The following RPS6KA5 variants were observed in gnomAD, a reference collection of about 807,000 sequenced individuals.
RPS6KA5 encodes ribosomal protein S6 kinase A5.
RPS6KA5 carries 27 observed loss-of-function variants against 85.5 expected under a neutral mutation model. The observed-to-expected ratio is 0.32, with a 90% CI of 0.23 to 0.44. The LOEUF is 0.44. RPS6KA5 is among the 20% of genes least tolerant of loss of function. The probability of loss-of-function intolerance (pLI) is 1.00; values close to 1 mark genes in which losing one functional copy is unlikely to be tolerated. For missense variants in RPS6KA5, 811 were observed against 980.9 expected, an observed-to-expected ratio of 0.83 and a Z score of 2.31; for synonymous variants, 334 against 348.2, an observed-to-expected ratio of 0.96 and a Z score of 0.46.
At chr14:90,886,095 T>C (rs2034208597) in intron 14 of RPS6KA5, among the ~76,000 whole-genome samples, 1 of 152,028 alleles carries the variant, frequency 6.6e-6, no homozygotes, top group Non-Finnish European at 1.5e-5. Context: ...TATGTATGTC[T>C]GCATATATGT....
At chr14:90,997,640 A>C (rs1005044741) in intron 2 of RPS6KA5, among the ~76,000 whole-genome samples, 1 of 152,158 alleles carries the variant, frequency 6.6e-6, no homozygotes, top group African/African-American at 2.4e-5. Context: ...GATGGAAACA[A>C]CCCAAATGCC....
intron 1 of RPS6KA5, among the ~76,000 whole-genome samples, chr14:91,044,392 G>GGAAAGAAAGAAA (rs71461930): frequency 1.1e-3 from 61 of 55,174 alleles, no homozygotes; most frequent in Middle Eastern, 8.9e-3. Context: ...AAAGAAAGAA[G>GGAAAGAAAGAAA]GAAAGAAAGA....
intron 1 of RPS6KA5, among the ~76,000 whole-genome samples, chr14:91,011,531 A>G (rs917567871): frequency 5.3e-5 from 8 of 152,146 alleles, no homozygotes; most frequent in Admixed American, 2.0e-4. Context: ...AAATTGGGCA[A>G]TGTGTTTCTA....
chr14:90,958,782 A>T (rs748366512), intron 3 of RPS6KA5, among the ~76,000 whole-genome samples: 4 of 152,110 alleles, frequency 2.6e-5, no homozygotes, highest in Admixed American at 6.6e-5. Flanking sequence ...TGAAGCTTGC[A>T]TTCCATTCAG....
chr14:90,993,267 C>A (rs992205386), intron 2 of RPS6KA5, among the ~76,000 whole-genome samples: 2 of 152,122 alleles, frequency 1.3e-5, no homozygotes, highest in African/African-American at 4.8e-5. Flanking sequence ...TGGTGAAACC[C>A]CATCTCTACT....
At chr14:91,031,407 C>T (rs1421402961) in intron 1 of RPS6KA5, among the ~76,000 whole-genome samples, 1 of 152,090 alleles carries the variant, frequency 6.6e-6, no homozygotes, top group Non-Finnish European at 1.5e-5. Context: ...AAGAGGACAG[C>T]CATTGGATCC....
intron 3 of RPS6KA5, among the ~76,000 whole-genome samples, chr14:90,963,127 C>T (rs1032093198): frequency 2.6e-5 from 4 of 152,154 alleles, no homozygotes; most frequent in African/African-American, 9.7e-5. Context: ...CATGGTCTTT[C>T]TTTCTTGGTA....
chr14:90,897,602 G>A (rs1247180420), intron 12 of RPS6KA5, among the ~76,000 whole-genome samples: 1 of 152,146 alleles, frequency 6.6e-6, no homozygotes, highest in Non-Finnish European at 1.5e-5. Flanking sequence ...GATTGATAAT[G>A]TATTTATACT....
chr14:90,929,570 G>T (rs1186997236), intron 5 of RPS6KA5, among the ~76,000 whole-genome samples: 1 of 151,956 alleles, frequency 6.6e-6, no homozygotes. Flanking sequence ...AAATATTACA[G>T]ATAATAGTAC....
chr14:90,900,377 T>C, intron 10 of RPS6KA5, 136 bp from the exon 11 acceptor site: 3 of 667,644 alleles, frequency 4.5e-6, no homozygotes, highest in Non-Finnish European at 6.7e-6. Context: ...AAATTCATCT[T>C]TATAGGTAAC....
chr14:91,049,341 G>A (rs1227127719), intron 1 of RPS6KA5, among the ~76,000 whole-genome samples: 5 of 152,196 alleles, frequency 3.3e-5, no homozygotes, highest in African/African-American at 9.7e-5. Context: ...TCGGCCGGGC[G>A]CGGTGGCTCA....
intron 9 of RPS6KA5, among the ~76,000 whole-genome samples, chr14:90,901,917 C>G (rs1038581885): frequency 1.1e-4 from 17 of 152,336 alleles, no homozygotes; most frequent in Admixed American, 3.9e-4. Context: ...CACGGTGGCT[C>G]ATGCCTAGAA....
Position 90,900,636 on chromosome 14 carries a change from TTTG to T in RPS6KA5, c.1217_1219del (p.Thr406del), listed in dbSNP as rs1566714100. 6.2e-7 allele frequency: 1 copy of T among 1,613,842 alleles called. No individual in the cohort carries two copies. The highest frequency in any genetic ancestry group is 2.2e-5 in the East Asian group (1 of 44,800). ...CTTCATCATTGCACTCCTGGCAACA[TTTG>T]TCACTCCAGGACGTTCAACTCCCAT... On this transcript the variant is annotated inframe_deletion, in exon 10 of 17. Coordinates refer to ENST00000614987, the MANE Select transcript of RPS6KA5 (RefSeq NM_004755.4).
intron 9 of RPS6KA5, among the ~76,000 whole-genome samples, chr14:90,901,580 G>A (rs554307571): frequency 6.6e-6 from 1 of 152,148 alleles, no homozygotes; most frequent in Non-Finnish European, 1.5e-5. Context: ...TGATTAATCC[G>A]TTCAAGCTAG....
intron 1 of RPS6KA5, among the ~76,000 whole-genome samples, chr14:91,009,722 C>T (rs2041177608): frequency 6.6e-6 from 1 of 152,150 alleles, no homozygotes; most frequent in Admixed American, 6.6e-5. Context: ...CCCAAAAGAG[C>T]TTTCATGTAG....
chr14:90,890,537 G>C lies in RPS6KA5; in HGVS notation c.1786C>G (p.Gln596Glu), dbSNP rs1240440502. 6.2e-7 allele frequency: 1 copy of C among 1,614,036 alleles called. No homozygotes were observed. Among genetic ancestry groups the C allele is most frequent in the East Asian group, 2.2e-5 (1 of 44,894 alleles). Residue 596 changes from glutamine to glutamate, a missense_variant, in exon 14 of 17, where the codon CAG becomes GAG. Transcript: ENST00000614987. ...TCACAGGACTCATCGTAGCCGTTCT[G>C]ATTCAAGAGCTCTGGGGCGGCATAA... ...LHYAAPELLN[Q>E]NGYDESCDLW... is the part of the protein sequence containing the mutation.
At position 90,854,325 on chromosome 14, in the gene RPS6KA5, C is replaced by T. The variant is rs921278183; in HGVS notation, c.*17749G>A. On this transcript the variant is annotated 3_prime_UTR_variant, in exon 17 of 17. Transcript: ENST00000614987. ...TACTGTAGCCATTATAATCTGCTAA[C>T]GTTTGAAAAACTTAACATGAAATCA... 3.9e-5 allele frequency: 6 copies of T among 152,104 alleles called. No individual in the cohort carries two copies. The East Asian group carries it at 5.8e-4, about 15-fold the overall frequency. 9.4% of individuals were successfully genotyped at this position (152,104 alleles called of 1,614,324 possible).
At chr14:90,947,341 G>T in intron 4 of RPS6KA5, 94 bp downstream of exon 4, 2 of 706,144 alleles carry the variant, frequency 2.8e-6, no homozygotes, top group South Asian at 1.8e-5. Context: ...TCTCCACTAA[G>T]ACAATAACAT....
At chr14:91,042,898 C>T (rs2042659185) in intron 1 of RPS6KA5, among the ~76,000 whole-genome samples, 1 of 152,126 alleles carries the variant, frequency 6.6e-6, no homozygotes, top group Admixed American at 6.5e-5. Context: ...CATCTTAAAA[C>T]AAGGACACAA....
Sources: gnomAD v4.1 joint callset for allele counts (sites outside exome capture counted in the v4.1 genomes callset) on GRCh38, gnomAD v4.1.1 for gene constraint, MANE v1.5 for transcripts, NCBI Gene and HGNC (gene_info 2026-07-23, HGNC 2026-07-21) for gene names.